UNC13C: variants seen among roughly 807,000 people sequenced by gnomAD.
UNC13C encodes the protein unc-13 homolog C, also known as protein unc-13 homolog C.
UNC13C carries 174 observed loss-of-function variants against 245.4 expected under a neutral mutation model. The ratio of observed to expected loss-of-function variants is 0.71; its 90% CI spans 0.63 to 0.80. The LOEUF (loss-of-function observed/expected upper bound fraction) is 0.80. UNC13C is among the 30% of genes least tolerant of loss of function. The pLI is 0.00. For synonymous variants in UNC13C, 992 were observed against 895.1 expected, an observed-to-expected ratio of 1.11 and a Z score of -1.93; for missense variants, 2,829 against 2,602.9, an observed-to-expected ratio of 1.09 and a Z score of -1.89.
intron 30 of UNC13C, chr15:54,611,678 A>ATAAC (rs1353273059): frequency 6.6e-6 from 1 of 152,128 alleles, no homozygotes; most frequent in Non-Finnish European, 1.5e-5. Flanking sequence ...CTCTTTCTTG[A>ATAAC]TAACTGTTAT....
intron 19 of UNC13C, among the ~76,000 whole-genome samples, chr15:54,482,032 G>A (rs1187119753): frequency 6.6e-6 from 1 of 152,162 alleles, no homozygotes; most frequent in Non-Finnish European, 1.5e-5. Context: ...TAGGCAGGTG[G>A]CTCTCAAGCC....
chr15:54,031,623 G>T (rs1391916586), intron 2 of UNC13C, among the ~76,000 whole-genome samples: 2 of 152,198 alleles, frequency 1.3e-5, no homozygotes, highest in Non-Finnish European at 2.9e-5. Context: ...AGCATTAGTT[G>T]TACCAAATAT....
At chr15:54,331,630 G>A (rs2038439269) in intron 14 of UNC13C, among the ~76,000 whole-genome samples, 1 of 152,106 alleles carries the variant, frequency 6.6e-6, no homozygotes, top group Non-Finnish European at 1.5e-5. Flanking sequence ...GTAATATATT[G>A]TCTGGAGAAG....
rs549086289 is a variant in UNC13C at position 54,250,857 on chromosome 15, C to T, written c.3448+413C>T. ...CTGCAAGCTCTGCCTCCTGGGTTCA[C>T]GCCATTCTCCGGCCTCAGCCTCCCA... is the stretch of plus-strand genomic sequence containing the variant. On this transcript the variant is annotated intron_variant, in intron 8 of 32. Coordinates refer to ENST00000260323, the MANE Select transcript of UNC13C (RefSeq NM_001080534.3). 2.8e-3 allele frequency among the ~76,000 whole-genome samples: 419 copies of T among 148,282 alleles called. 2 individuals are homozygous for T. Among genetic ancestry groups the T allele is most frequent in the Non-Finnish European group, 4.4e-3 (299 of 67,294 alleles).
chr15:53,850,055 C>G, the UNC13C span, among the ~76,000 whole-genome samples: 1 of 152,084 alleles, frequency 6.6e-6, no homozygotes, highest in Admixed American at 6.6e-5. Context: ...TTTAACATTT[C>G]TTGTGCTGCA....
chr15:53,866,129 A>G, the UNC13C span, among the ~76,000 whole-genome samples: 1 of 152,192 alleles, frequency 6.6e-6, no homozygotes, highest in Non-Finnish European at 1.5e-5. Flanking sequence ...TTCAACTGCT[A>G]TTCTTCAGTA....
chr15:54,020,465 AT>A (rs1007448413), intron 2 of UNC13C, among the ~76,000 whole-genome samples: 2 of 30,620 alleles, frequency 6.5e-5, no homozygotes, highest in South Asian at 1.4e-3. Context: ...TTTTTTTTTA[AT>A]TAGAGATGGA....
At chr15:54,226,097 G>T (rs1331475020) in intron 4 of UNC13C, among the ~76,000 whole-genome samples, 1 of 152,088 alleles carries the variant, frequency 6.6e-6, no homozygotes, top group East Asian at 1.9e-4. Flanking sequence ...TGTTTATTTG[G>T]TAAATTACAT....
At chr15:54,094,628 C>G (rs1899752503) in intron 2 of UNC13C, among the ~76,000 whole-genome samples, 1 of 152,120 alleles carries the variant, frequency 6.6e-6, no homozygotes, top group Non-Finnish European at 1.5e-5. Context: ...TGAGCAGATC[C>G]CACTGACTTT....
chr15:54,172,030 T>C (rs111262635), intron 4 of UNC13C, among the ~76,000 whole-genome samples: 4,793 of 152,156 alleles, frequency 0.032, 250 homozygotes, highest in African/African-American at 0.11. Flanking sequence ...TTACATGTTC[T>C]CACTTATTTG....
chr15:54,231,914 A>G (rs1228508177), intron 4 of UNC13C, among the ~76,000 whole-genome samples: 3 of 152,062 alleles, frequency 2.0e-5, no homozygotes, highest in Non-Finnish European at 2.9e-5. Context: ...TAAATGATTT[A>G]TTTATATATG....
rs1895546045 is a variant in UNC13C at position 54,014,522 on chromosome 15, A to AT, written c.1625dup (p.Thr543HisfsTer3). 3 of 1,613,684 alleles carry AT rather than the reference A, an allele frequency of 1.9e-6. No individual in the cohort carries two copies. The highest frequency in any genetic ancestry group is 1.1e-5 in the South Asian group (1 of 91,078). Reference sequence around the variant, plus strand: ...ACACCTCTCTGGCACTCACAGAGTGATTTTTTCACTGCTAAACTTAGTCGT... The same window carrying AT: ...ACACCTCTCTGGCACTCACAGAGTGATTTTTTTCACTGCTAAACTTAGTCGT... On this transcript the variant is annotated frameshift_variant, in exon 2 of 33. Transcript: ENST00000260323. LOFTEE classifies it high-confidence loss of function.
At chr15:53,938,616 A>T in the UNC13C span, among the ~76,000 whole-genome samples, 5 of 152,180 alleles carry the variant, frequency 3.3e-5, no homozygotes, top group East Asian at 9.6e-4. Flanking sequence ...GAAGTAAAAC[A>T]CTCCTCAGCA....
intron 4 of UNC13C, among the ~76,000 whole-genome samples, chr15:54,219,429 A>G (rs549963018): frequency 6.6e-6 from 1 of 152,294 alleles, no homozygotes; most frequent in South Asian, 2.1e-4. Context: ...CCTTTCTTAC[A>G]CCTTCTACAA....
intron 17 of UNC13C, among the ~76,000 whole-genome samples, chr15:54,343,570 A>T (rs1257268509): frequency 6.6e-6 from 1 of 152,116 alleles, no homozygotes; most frequent in Non-Finnish European, 1.5e-5. Context: ...CCTTTTTCAC[A>T]TCCTTGCATT....
At chr15:54,177,566 A>C (rs1380473996) in intron 4 of UNC13C, among the ~76,000 whole-genome samples, 1 of 152,140 alleles carries the variant, frequency 6.6e-6, no homozygotes, top group East Asian at 1.9e-4. Flanking sequence ...CCAGAATAAA[A>C]CAAGCAAAGC....
intron 19 of UNC13C, among the ~76,000 whole-genome samples, chr15:54,445,927 T>G (rs1018483843): frequency 6.6e-6 from 1 of 152,210 alleles, no homozygotes; most frequent in Non-Finnish European, 1.5e-5. Context: ...TGGTTTTAGG[T>G]CTAACATTTA....
intron 1 of UNC13C, among the ~76,000 whole-genome samples, chr15:54,005,844 G>T (rs533169488): frequency 6.6e-6 from 1 of 152,080 alleles, no homozygotes; most frequent in Non-Finnish European, 1.5e-5. Context: ...AGAGCAGAGG[G>T]TATACAATCA....
the UNC13C span, chr15:53,912,147 A>T: frequency 1.3e-5 from 2 of 152,230 alleles, no homozygotes; most frequent in Non-Finnish European, 2.9e-5. Flanking sequence ...AACCCAATGG[A>T]ATGCTGTTGG....
Sources: allele counts gnomAD v4.1 joint callset (sites outside exome capture counted in the v4.1 genomes callset), GRCh38; gene constraint gnomAD v4.1.1; transcripts MANE v1.5; gene names NCBI Gene and HGNC (gene_info 2026-07-23, HGNC 2026-07-21).